Variants in DNAH9 observed in about 807,000 individuals in gnomAD.
DNAH9 encodes the protein dynein axonemal heavy chain 9.
DNAH9 carries 345 observed loss-of-function variants against 471.6 expected under a neutral mutation model. The observed-to-expected ratio is 0.73, with a 90% CI of 0.67 to 0.80. The LOEUF is 0.80. Ranked by LOEUF, DNAH9 falls within the 30% of genes least tolerant of loss-of-function variation. The pLI, the probability that DNAH9 is intolerant of heterozygous loss-of-function variation, is 0.00. For missense variants in DNAH9, 5,407 were observed against 5,609.2 expected (o/e 0.96, Z 1.15); for synonymous variants, 2,093 against 2,123.6 (o/e 0.99, Z 0.40).
chr17:11,859,234 G>A (rs747196324), intron 50 of DNAH9, among the ~76,000 whole-genome samples: 8 of 151,886 alleles, frequency 5.3e-5, no homozygotes, highest in Non-Finnish European at 8.8e-5. Context: ...CCCACATGGT[G>A]AAACCCTATC....
rs1389217941 is a variant in DNAH9 at position 11,843,890 on chromosome 17, T to TATATATATATATATAC, written c.9507+8993_9507+8994insTATATATATATATACA. On this transcript the variant is annotated intron_variant, in intron 49 of 68. Coordinates refer to ENST00000262442, the MANE Select transcript of DNAH9 (RefSeq NM_001372.4). ...ATATATATATATATATATATATATA[T>TATATATATATATATAC]ACACATAGAGAGAGAGAGAATAATA... is the stretch of plus-strand genomic sequence containing the variant. Among the ~76,000 whole-genome samples the TATATATATATATATAC allele has an allele frequency of 2.3e-3, 291 of 127,012 alleles. 3 individuals are homozygous for TATATATATATATATAC. Among genetic ancestry groups the TATATATATATATATAC allele is most frequent in the African/African-American group, 5.8e-3 (187 of 32,196 alleles). The allele number at this position is 127,012 out of a possible 152,430, so 83.3% of individuals were successfully genotyped here. A position where few individuals can be genotyped will look rare whatever the true frequency, so the allele number is the denominator to read the frequency against.
At chr17:11,648,118 G>T (rs941172859) in intron 12 of DNAH9, among the ~76,000 whole-genome samples, 1 of 152,154 alleles carries the variant, frequency 6.6e-6, no homozygotes, top group African/African-American at 2.4e-5. Flanking sequence ...ATATTACTCA[G>T]GTTGAAAAAA....
intron 43 of DNAH9, among the ~76,000 whole-genome samples, chr17:11,804,803 G>A (rs1969605209): frequency 6.6e-6 from 1 of 151,946 alleles, no homozygotes; most frequent in Admixed American, 6.6e-5. Flanking sequence ...GAACCCAGAA[G>A]GCGGAGCTTG....
At chr17:11,859,583 G>A (rs975960802) in intron 50 of DNAH9, among the ~76,000 whole-genome samples, 23 of 152,148 alleles carry the variant, frequency 1.5e-4, no homozygotes, top group African/African-American at 5.3e-4. Flanking sequence ...TGGGTAATTT[G>A]TAAAGAAAAG....
Position 11,701,216 on chromosome 17 carries a change from G to A in DNAH9, c.5120G>A (p.Arg1707Lys). ...GTAACTGCCTATGAAGAAAAGCCGAGGGAGCAGTGGCTTTTTGACCACCCA... is the reference window on the plus strand; with the variant it reads ...GTAACTGCCTATGAAGAAAAGCCGAAGGAGCAGTGGCTTTTTGACCACCCA... The part of the protein sequence containing the change: ...EGVTAYEEKP[R>K]EQWLFDHPAQ... Residue 1707 changes from arginine (R) to lysine (K), a missense_variant, in exon 24 of 69, where the codon AGG becomes AAG. Coordinates refer to ENST00000262442, the MANE Select transcript of DNAH9 (RefSeq NM_001372.4). 1 of 1,613,804 alleles carries A rather than the reference G, an allele frequency of 6.2e-7. No individual in the cohort carries two copies. Among genetic ancestry groups the A allele is most frequent in the South Asian group, 1.1e-5 (1 of 91,048 alleles).
chr17:11,957,928 G>A (rs768664683), intron 67 of DNAH9, among the ~76,000 whole-genome samples: 14 of 152,166 alleles, frequency 9.2e-5, no homozygotes, highest in East Asian at 3.9e-4. Flanking sequence ...TCTCAAAATC[G>A]TAAGTTTAAT....
chr17:11,740,649 A>G (rs1217580181), intron 29 of DNAH9, among the ~76,000 whole-genome samples: 1 of 152,196 alleles, frequency 6.6e-6, no homozygotes, highest in Non-Finnish European at 1.5e-5. Context: ...GTAAGTACAA[A>G]CATCTACTTT....
chr17:11,744,806 G>A lies in DNAH9; in HGVS notation c.6121G>A (p.Asp2041Asn), dbSNP rs773104540. The A allele has an allele frequency of 5.6e-6, 9 of 1,612,464 alleles. No individual in the cohort carries two copies. In the South Asian group the frequency reaches 6.6e-5, roughly 12 times the overall value. Residue 2041 changes from aspartate (D) to asparagine (N), a missense_variant, in exon 31 of 69, where the codon GAC (aspartate) becomes AAC (asparagine). Asp to Asn is a conservative substitution (Grantham distance 23). Around this residue, in one of 3 missense-constraint regions of DNAH9, gnomAD observed 4,636 missense variants for 4,900.3 expected, o/e 0.95. Transcript: ENST00000262442. ...CTAACACTGCCCACAGGATCACTAC[G>A]ACTGGGGCCTACGGGCCATCAAGTC... ...KELLSKQDHY[D>N]WGLRAIKSVL...
At chr17:11,903,689 C>G (rs1018747462) in intron 60 of DNAH9, among the ~76,000 whole-genome samples, 2 of 151,876 alleles carry the variant, frequency 1.3e-5, no homozygotes, top group African/African-American at 4.8e-5. Flanking sequence ...GGCGGCGGAT[C>G]GCTTAAGGTC....
At position 11,834,851 on chromosome 17, in the gene DNAH9, G is replaced by A. The variant is rs777927182; in HGVS notation, c.9460G>A (p.Glu3154Lys). 1 of 1,613,896 alleles carries A rather than the reference G, an allele frequency of 6.2e-7. No homozygotes were observed. The highest frequency in any genetic ancestry group is 8.5e-7 in the Non-Finnish European group (1 of 1,179,990). The change falls in exon 49 of 69, where the codon GAG (glutamate) becomes AAG (lysine). Residue 3154 changes from glutamate to lysine, a missense_variant. Glu to Lys is a moderately conservative substitution (Grantham distance 56, BLOSUM62 1). Around this residue, in one of 3 missense-constraint regions of DNAH9, gnomAD observed 4,636 missense variants for 4,900.3 expected, o/e 0.95. Transcript: ENST00000262442. ...CTGTGAGGAGGACCTGGCAAAGGCT[G>A]AGCCAGCACTCACAGCAGCGCAGGC... ...KDCEEDLAKA[E>K]PALTAAQAAL...
At chr17:11,689,277 T>A (rs564652926) in intron 19 of DNAH9, among the ~76,000 whole-genome samples, 1 of 151,896 alleles carries the variant, frequency 6.6e-6, no homozygotes, top group East Asian at 1.9e-4. Context: ...GGGTATTCCC[T>A]TCTAGACCTG....
intron 49 of DNAH9, among the ~76,000 whole-genome samples, chr17:11,847,715 C>T (rs549446009): frequency 2.0e-5 from 3 of 152,334 alleles, no homozygotes; most frequent in African/African-American, 7.2e-5. Flanking sequence ...TGCTCCCCTC[C>T]TCTTATTGCC....
At chr17:11,634,970 G>T (rs773906990) in intron 8 of DNAH9, among the ~76,000 whole-genome samples, 2 of 152,158 alleles carry the variant, frequency 1.3e-5, no homozygotes, top group African/African-American at 2.4e-5. Flanking sequence ...AAGAGCATAA[G>T]GTCTTAGACA....
At chr17:11,791,724 TA>T (rs1183061780) in intron 41 of DNAH9, among the ~76,000 whole-genome samples, 4 of 152,028 alleles carry the variant, frequency 2.6e-5, no homozygotes, top group Admixed American at 2.6e-4. Context: ...AAAATAATAT[TA>T]AAAATAATTT....
Position 11,768,195 on chromosome 17 carries a change from G to GT in DNAH9, c.7171-257dup, listed in dbSNP as rs528065357. Among the ~76,000 whole-genome samples, 23 of 152,284 alleles carry GT rather than the reference G, an allele frequency of 1.5e-4. No individual in the cohort carries two copies. In the East Asian group the frequency reaches 3.9e-3, roughly 26 times the overall value. ...CAACCATCTCCACCCTTCAGTGGCT[G>GT]TAAGACATGGCAGGACCAGGCTGGC... On this transcript the variant is annotated intron_variant, in intron 36 of 68. Coordinates refer to ENST00000262442, the MANE Select transcript of DNAH9 (RefSeq NM_001372.4).
chr17:11,960,006 G>A (rs76157522), intron 67 of DNAH9, among the ~76,000 whole-genome samples: 1,630 of 152,278 alleles, frequency 0.011, 32 homozygotes, highest in African/African-American at 0.037. Context: ...AAGTGAATTC[G>A]TAATAATTAT....
At chr17:11,900,060 A>T (rs1346521426) in intron 59 of DNAH9, among the ~76,000 whole-genome samples, 1 of 151,804 alleles carries the variant, frequency 6.6e-6, no homozygotes, top group Admixed American at 6.6e-5. Context: ...TAACAGTATG[A>T]GATATGGCAG....
Position 11,704,314 on chromosome 17 carries a change from G to A in DNAH9, c.5263G>A (p.Ala1755Thr), listed in dbSNP as rs768700076. ...GAAGGACTATTATAAGAAGCAAGTG[G>A]CCCAGCTCAAAACCCTTATCACCAT... is the stretch of plus-strand genomic sequence containing the variant. The part of the protein sequence containing the change: ...AMKDYYKKQV[A>T]QLKTLITMLI... Residue 1755 changes from alanine to threonine, a missense_variant, in exon 25 of 69, where the codon GCC becomes ACC. Transcript: ENST00000262442. 5.0e-5 allele frequency: 81 copies of A among 1,614,050 alleles called. No individual in the cohort carries two copies. Among genetic ancestry groups the A allele is most frequent in the Admixed American group, 1.3e-4 (8 of 60,004 alleles).
chr17:11,619,438 A>G, intron 5 of DNAH9, 110 bp from the exon 6 acceptor site: 2 of 726,136 alleles, frequency 2.8e-6, no homozygotes, highest in Admixed American at 2.1e-5. Context: ...TGTTTCCTCT[A>G]TTATCCTCGT....
Sources: gnomAD v4.1 joint callset for allele counts (sites outside exome capture counted in the v4.1 genomes callset) on GRCh38, gnomAD v4.1.1 for gene constraint, gnomAD v4.1.1 regional missense constraint, MANE v1.5 for transcripts, NCBI Gene and HGNC (gene_info 2026-07-23, HGNC 2026-07-21) for gene names.